Variants in SUPT3H observed in about 807,000 individuals in gnomAD.
The protein encoded by SUPT3H is transcription initiation protein SPT3 homolog.
In SUPT3H, 44 loss-of-function variants were observed where a neutral mutation model predicts 44.3. The observed-to-expected ratio is 0.99, with a 90% CI of 0.78 to 1.28. SUPT3H has a LOEUF of 1.28. Among genes scored for constraint, SUPT3H ranks in the 50% most tolerant of loss-of-function variants. The pLI, the probability that SUPT3H is intolerant of heterozygous loss-of-function variation, is 0.00. For missense variants in SUPT3H, 380 were observed against 387.1 expected (o/e 0.98, Z 0.15); for synonymous variants, 124 against 125.6 (o/e 0.99, Z 0.09).
chr6:45,151,271 T>C (rs1806928821), intron 2 of SUPT3H, among the ~76,000 whole-genome samples: 1 of 152,140 alleles, frequency 6.6e-6, no homozygotes, highest in Admixed American at 6.6e-5. Context: ...TTTTTTCATC[T>C]AGTATTTTTA....
intron 3 of SUPT3H, among the ~76,000 whole-genome samples, chr6:45,024,867 A>T: frequency 6.6e-6 from 1 of 152,292 alleles, no homozygotes; most frequent in African/African-American, 2.4e-5. Flanking sequence ...TTCTGTCTGA[A>T]TGCATAACCT....
chr6:45,086,549 C>T (rs1283524921), intron 3 of SUPT3H, among the ~76,000 whole-genome samples: 1 of 151,904 alleles, frequency 6.6e-6, no homozygotes, highest in East Asian at 1.9e-4. Context: ...ACTAAATCAG[C>T]CACTTAGACA....
chr6:45,237,185 G>A (rs545156673), intron 2 of SUPT3H, among the ~76,000 whole-genome samples: 3 of 152,276 alleles, frequency 2.0e-5, no homozygotes, highest in Admixed American at 6.5e-5. Flanking sequence ...TGTCCTACCC[G>A]TGAAATAACT....
intron 2 of SUPT3H, among the ~76,000 whole-genome samples, chr6:45,289,718 T>A (rs1779991658): frequency 6.6e-6 from 1 of 152,194 alleles, no homozygotes; most frequent in African/African-American, 2.4e-5. Context: ...AAAACATCCA[T>A]CAGTCATACC....
intron 4 of SUPT3H, 38 bp from the exon 5 acceptor site, chr6:45,014,929 T>C (rs111260847): frequency 4.7e-6 from 6 of 1,283,952 alleles, no homozygotes; most frequent in Admixed American, 5.8e-5. Context: ...AGAAAACCTA[T>C]ACATATATTC....
At chr6:45,308,086 G>C (rs1386083347) in intron 2 of SUPT3H, among the ~76,000 whole-genome samples, 1 of 152,148 alleles carries the variant, frequency 6.6e-6, no homozygotes, top group Non-Finnish European at 1.5e-5. Context: ...CAAAAGCAAA[G>C]CCTCCAAGAA....
intron 3 of SUPT3H, among the ~76,000 whole-genome samples, chr6:45,088,597 C>A (rs559560301): frequency 6.6e-6 from 1 of 152,142 alleles, no homozygotes; most frequent in South Asian, 2.1e-4. Context: ...TCAAATCCAG[C>A]AATGTTTGTC....
At chr6:45,002,089 T>G (rs963625882) in intron 6 of SUPT3H, among the ~76,000 whole-genome samples, 1 of 152,102 alleles carries the variant, frequency 6.6e-6, no homozygotes, top group Non-Finnish European at 1.5e-5. Flanking sequence ...TTTGTACATA[T>G]GAAGATTTTC....
At chr6:44,989,360 A>C (rs1400019886) in intron 6 of SUPT3H, among the ~76,000 whole-genome samples, 1 of 152,128 alleles carries the variant, frequency 6.6e-6, no homozygotes, top group Non-Finnish European at 1.5e-5. Context: ...ATATGTGTGT[A>C]TATCTATTTC....
intron 2 of SUPT3H, among the ~76,000 whole-genome samples, chr6:45,213,195 G>A (rs576436328): frequency 6.6e-6 from 1 of 152,270 alleles, no homozygotes; most frequent in African/African-American, 2.4e-5. Flanking sequence ...CACAGGAAGT[G>A]CGCCTGGAAG....
At chr6:45,120,417 T>TAAAAAAA (rs71687494) in intron 2 of SUPT3H, among the ~76,000 whole-genome samples, 991 of 50,498 alleles carry the variant, frequency 0.02, 75 homozygotes, top group South Asian at 0.045. Context: ...AGACCTTGTC[T>TAAAAAAA]AAAAAAAAAA....
intron 3 of SUPT3H, among the ~76,000 whole-genome samples, chr6:45,038,926 T>G (rs1219018916): frequency 6.6e-6 from 1 of 152,168 alleles, no homozygotes; most frequent in Non-Finnish European, 1.5e-5. Flanking sequence ...ATCTTGGTAT[T>G]ATTTCAAAGT....
chr6:44,954,236 T>C, intron 8 of SUPT3H, among the ~76,000 whole-genome samples: 1 of 152,220 alleles, frequency 6.6e-6, no homozygotes, highest in East Asian at 1.9e-4. Flanking sequence ...TTGAGTTCAA[T>C]GTCAAGAAAA....
At chr6:45,135,408 A>G (rs1804115847) in intron 2 of SUPT3H, among the ~76,000 whole-genome samples, 1 of 151,900 alleles carries the variant, frequency 6.6e-6, no homozygotes, top group Non-Finnish European at 1.5e-5. Flanking sequence ...TTTAGGTTCT[A>G]TTTCTCTTTC....
chr6:45,049,118 CCAAA>C (rs1583249949), intron 3 of SUPT3H, among the ~76,000 whole-genome samples: 1 of 152,040 alleles, frequency 6.6e-6, no homozygotes, highest in African/African-American at 2.4e-5. Flanking sequence ...ACACGTGTTT[CCAAA>C]CATAGTGTAC....
intron 2 of SUPT3H, among the ~76,000 whole-genome samples, chr6:45,156,976 A>C (rs555298079): frequency 3.9e-5 from 6 of 152,204 alleles, no homozygotes; most frequent in African/African-American, 1.4e-4. Flanking sequence ...AGAAACTACC[A>C]CCTATACTTG....
chr6:45,009,296 G>GT (rs1440564790), intron 5 of SUPT3H, among the ~76,000 whole-genome samples: 1 of 152,006 alleles, frequency 6.6e-6, no homozygotes, highest in Non-Finnish European at 1.5e-5. Flanking sequence ...ATTAGTCATT[G>GT]TTTTGACTTT....
At chr6:44,906,132 C>T (rs1766022835) in intron 10 of SUPT3H, among the ~76,000 whole-genome samples, 2 of 152,110 alleles carry the variant, frequency 1.3e-5, no homozygotes, top group African/African-American at 2.4e-5. Context: ...ATGTAACTAA[C>T]CTGCACATTG....
chr6:44,831,670 AG>A (rs1768776638), intron 10 of SUPT3H, among the ~76,000 whole-genome samples: 1 of 152,168 alleles, frequency 6.6e-6, no homozygotes, highest in South Asian at 2.1e-4. Flanking sequence ...CCTAGGAGTA[AG>A]GCTGCATTCC....
Sources: gnomAD v4.1 joint callset for allele counts (sites outside exome capture counted in the v4.1 genomes callset) on GRCh38, gnomAD v4.1.1 for gene constraint, MANE v1.5 for transcripts, NCBI Gene and HGNC (gene_info 2026-07-23, HGNC 2026-07-21) for gene names.